UBE2V2: variants seen among roughly 807,000 people sequenced by gnomAD.
The protein encoded by UBE2V2 is ubiquitin-conjugating enzyme E2 variant 2.
In UBE2V2, 9 loss-of-function variants were observed where a neutral mutation model predicts 17.2. The observed-to-expected ratio is 0.52, with a 90% CI of 0.32 to 0.91. The LOEUF is 0.91. Among genes scored for constraint, UBE2V2 ranks in the 40% least tolerant of loss-of-function variants. The pLI, the probability that UBE2V2 is intolerant of heterozygous loss-of-function variation, is 0.04. For missense variants in UBE2V2, 133 were observed against 182.6 expected (o/e 0.73, Z 1.56); for synonymous variants, 61 against 57.5 (o/e 1.06, Z -0.28).
rs1346431993 is a variant in UBE2V2 at position 48,064,332 on chromosome 8, A to G, written c.*3504A>G. 2 of 152,158 alleles carry G rather than the reference A, an allele frequency of 1.3e-5. No individual in the cohort carries two copies. Among genetic ancestry groups the G allele is most frequent in the Admixed American group, 1.3e-4 (2 of 15,266 alleles). The allele number at this position is 152,158 out of a possible 1,614,324, so 9.4% of individuals were successfully genotyped here. ...CTGGCTTTTAATTATTGTCACACAC[A>G]CACAAAATTCAACTCCTCAAGGTTT... On this transcript the variant is annotated 3_prime_UTR_variant, in exon 4 of 4. Transcript: ENST00000523111.
In UBE2V2 at chr8:48,008,454, G is replaced by T; in HGVS notation, c.-1G>T. ...GCGGCTGCGTCGGGCTGCAGGAGAA[G>T]ATGGCGGTCTCCACAGGTCGGTTCC... On this transcript the variant is annotated 5_prime_UTR_variant, in exon 1 of 4. Coordinates refer to ENST00000523111, the MANE Select transcript of UBE2V2 (RefSeq NM_003350.3). 1.3e-6 allele frequency: 2 copies of T among 1,567,126 alleles called. No homozygotes were observed. Among genetic ancestry groups the T allele is most frequent in the African/African-American group, 1.4e-5 (1 of 70,696 alleles).
chr8:48,061,811 A>G lies in UBE2V2; in HGVS notation c.*983A>G, dbSNP rs919985548. 1 of 152,202 alleles carries G rather than the reference A, an allele frequency of 6.6e-6. No individual in the cohort carries two copies. The highest frequency in any genetic ancestry group is 2.4e-5 in the African/African-American group (1 of 41,448). 9.4% of individuals were successfully genotyped at this position (152,202 alleles called of 1,614,324 possible). ...TGATTTCACCAGAAATAATAATATT[A>G]AAAAGATCTTTGCATTCTGGCAGTT... On this transcript the variant is annotated 3_prime_UTR_variant, in exon 4 of 4. Transcript: ENST00000523111.
chr8:48,033,827 T>C (rs916171763), intron 1 of UBE2V2, among the ~76,000 whole-genome samples: 2 of 152,048 alleles, frequency 1.3e-5, no homozygotes, highest in Non-Finnish European at 1.5e-5. Flanking sequence ...CATGTTGGCA[T>C]GCGACTGTAG....
upstream of UBE2V2, among the ~76,000 whole-genome samples, chr8:48,004,029 T>C (rs940676771): frequency 6.6e-6 from 1 of 152,132 alleles, no homozygotes; most frequent in Admixed American, 6.5e-5. Flanking sequence ...GGGTGGTAAA[T>C]GGACCATTTT....
chr8:48,008,338 C>A (rs976658387), upstream of UBE2V2: 2 of 1,356,140 alleles, frequency 1.5e-6, no homozygotes, highest in South Asian at 1.7e-5. Flanking sequence ...CCTCGGGTCG[C>A]CCCGCGCCCG....
In UBE2V2 at chr8:48,016,764, G is replaced by C. The variant is rs367822339; in HGVS notation, c.16+8294G>C. 5.3e-5 allele frequency among the ~76,000 whole-genome samples: 8 copies of C among 150,024 alleles called. No homozygotes were observed. In the South Asian group the frequency reaches 1.1e-3, roughly 20 times the overall value. On this transcript the variant is annotated intron_variant, in intron 1 of 3. Transcript: ENST00000523111. ...CCCAAGGTACTGGGATTACAGGCGT[G>C]AGCCGCCGTGCCCAGCCTTTTTTTT...
upstream of UBE2V2, among the ~76,000 whole-genome samples, chr8:48,006,982 G>A (rs1208383356): frequency 1.3e-5 from 2 of 151,080 alleles, no homozygotes; most frequent in Non-Finnish European, 1.5e-5. Flanking sequence ...CCGGGTTCAC[G>A]CCATTCTCCT....
intron 1 of UBE2V2, among the ~76,000 whole-genome samples, chr8:48,035,684 T>C (rs546615239): frequency 1.0e-5 from 1 of 97,916 alleles, no homozygotes; most frequent in East Asian, 2.9e-4. Flanking sequence ...CTTTTTTTTT[T>C]TTTTTTTTTT....
At chr8:48,025,495 C>G (rs2091337208) in intron 1 of UBE2V2, among the ~76,000 whole-genome samples, 1 of 149,204 alleles carries the variant, frequency 6.7e-6, no homozygotes, top group African/African-American at 2.5e-5. Flanking sequence ...CCAGGCTGGT[C>G]TTGAACTCCT....
At chr8:48,035,795 G>A (rs532704375) in intron 1 of UBE2V2, among the ~76,000 whole-genome samples, 2 of 149,566 alleles carry the variant, frequency 1.3e-5, no homozygotes, top group South Asian at 2.1e-4. Context: ...GGAGGCTGAG[G>A]CAGGAGAATC....
intron 1 of UBE2V2, among the ~76,000 whole-genome samples, chr8:48,016,553 G>T (rs570501167): frequency 2.6e-4 from 39 of 152,010 alleles, no homozygotes; most frequent in South Asian, 1.2e-3. Context: ...CATGATCTCG[G>T]CTCATTGCAA....
chr8:48,009,933 C>T (rs751420084), intron 1 of UBE2V2, among the ~76,000 whole-genome samples: 14 of 152,198 alleles, frequency 9.2e-5, no homozygotes, highest in Non-Finnish European at 2.1e-4. Context: ...AATCTGTGCT[C>T]GTTAACGGGG....
At chr8:48,037,517 C>G (rs2091432718) in intron 1 of UBE2V2, among the ~76,000 whole-genome samples, 1 of 152,236 alleles carries the variant, frequency 6.6e-6, no homozygotes, top group African/African-American at 2.4e-5. Context: ...AAGCACTTTG[C>G]TCAGTCATCT....
chr8:48,003,970 T>C (rs139789324), upstream of UBE2V2, among the ~76,000 whole-genome samples: 1 of 152,144 alleles, frequency 6.6e-6, no homozygotes, highest in African/African-American at 2.4e-5. Flanking sequence ...TGGGTTCTGG[T>C]AGGTTGTGAA....
chr8:48,060,531 T>C, intron 3 of UBE2V2, 151 bp from the exon 4 acceptor site: 1 of 550,954 alleles, frequency 1.8e-6, no homozygotes. Context: ...AATATACTAA[T>C]TATGGTATTA....
upstream of UBE2V2, among the ~76,000 whole-genome samples, chr8:48,007,554 G>A (rs1210091670): frequency 1.3e-5 from 2 of 150,726 alleles, no homozygotes; most frequent in Non-Finnish European, 2.9e-5. Context: ...CAACCTACAA[G>A]GGATGTGAAA....
At position 48,044,172 on chromosome 8, in the gene UBE2V2, G is replaced by T. The variant is rs532880390; in HGVS notation, c.165+991G>T. Among the ~76,000 whole-genome samples the T allele has an allele frequency of 3.6e-4, 55 of 151,912 alleles. 1 individual carries two copies. Among genetic ancestry groups the T allele is most frequent in the South Asian group, 6.2e-4 (3 of 4,810 alleles). On this transcript the variant is annotated intron_variant, in intron 2 of 3. Coordinates refer to ENST00000523111, the MANE Select transcript of UBE2V2 (RefSeq NM_003350.3). ...TGATGATGATGATGATGATGATGATGATTATTGAGACAACATCTTGTTCAG... is the reference window on the plus strand; with the variant it reads ...TGATGATGATGATGATGATGATGATTATTATTGAGACAACATCTTGTTCAG...
At chr8:48,010,893 AT>A (rs765787547) in intron 1 of UBE2V2, among the ~76,000 whole-genome samples, 325 of 106,236 alleles carry the variant, frequency 3.1e-3, no homozygotes, top group Middle Eastern at 6.0e-3. Flanking sequence ...TTTTTTTTGT[AT>A]TTTTTTTTTT....
chr8:48,012,033 G>C (rs2091235469), intron 1 of UBE2V2, among the ~76,000 whole-genome samples: 1 of 152,186 alleles, frequency 6.6e-6, no homozygotes. Context: ...GCTCAAACAA[G>C]TAAAAGGCTA....
Sources: gnomAD v4.1 joint callset for allele counts (sites outside exome capture counted in the v4.1 genomes callset) on GRCh38, gnomAD v4.1.1 for gene constraint, MANE v1.5 for transcripts, NCBI Gene and HGNC (gene_info 2026-07-23, HGNC 2026-07-21) for gene names.